Variants in PIK3C2A observed in about 807,000 individuals in gnomAD.
PIK3C2A encodes the protein phosphatidylinositol-4-phosphate 3-kinase catalytic subunit type 2 alpha.
PIK3C2A carries 97 observed loss-of-function variants against 204.5 expected under a neutral mutation model. That is an observed-to-expected ratio of 0.47 (90% CI 0.40 to 0.56). The LOEUF is 0.56. PIK3C2A is among the 20% of genes least tolerant of loss of function. The pLI, the probability that PIK3C2A is intolerant of heterozygous loss-of-function variation, is 0.00. For missense variants in PIK3C2A, 1,735 were observed against 1,969.2 expected (o/e 0.88, Z 2.25); for synonymous variants, 653 against 664.4 (o/e 0.98, Z 0.26).
At chr11:17,187,762 A>C (rs927276207) in intron 1 of PIK3C2A, among the ~76,000 whole-genome samples, 5 of 152,042 alleles carry the variant, frequency 3.3e-5, no homozygotes, top group African/African-American at 1.2e-4. Context: ...TCGGGGAAAA[A>C]GACTGAGAGG....
chr11:17,169,718 G>A lies in PIK3C2A; in HGVS notation c.24C>T (p.Ser8=), dbSNP rs776170420. 13 of 1,601,898 alleles carry A rather than the reference G, an allele frequency of 8.1e-6. No homozygotes were observed. Among genetic ancestry groups the A allele is most frequent in the African/African-American group, 5.4e-5 (4 of 74,588 alleles). ...GTGAAGATGGACATTCTTTAAATCC[G>A]CTGTTGCTAGATATCTGAGCCATGT... The part of the protein sequence containing the change: MAQISSN[S]GFKECPSSHP... Residue 8 remains serine (S), a synonymous_variant, in exon 2 of 33, where the codon AGC becomes AGT. Transcript: ENST00000691414.
At chr11:17,108,238 T>C (rs1429339380) in intron 22 of PIK3C2A, among the ~76,000 whole-genome samples, 2 of 152,094 alleles carry the variant, frequency 1.3e-5, no homozygotes, top group African/African-American at 4.8e-5. Context: ...ACTCAACAAA[T>C]TGAAAAGTAG....
At chr11:17,179,951 A>G (rs1338481707) in intron 1 of PIK3C2A, among the ~76,000 whole-genome samples, 1 of 152,188 alleles carries the variant, frequency 6.6e-6, no homozygotes, top group East Asian at 1.9e-4. Flanking sequence ...ACAAGACAAC[A>G]TAGAATTGCT....
chr11:17,198,772 C>T lies in PIK3C2A; in HGVS notation c.-66+9076G>A, dbSNP rs187975855. Among the ~76,000 whole-genome samples the T allele has an allele frequency of 6.9e-3, 1,044 of 151,250 alleles. 9 individuals are homozygous for T. The highest frequency in any genetic ancestry group is 0.01 in the Non-Finnish European group (694 of 67,908). The stretch of plus-strand genomic sequence containing the variant: ...GTCTCTGCGAATAGCCATTGTATCC[C>T]AGCCTGGACAACACAGCAAGACCTC... On this transcript the variant is annotated intron_variant, in intron 1 of 32. Transcript: ENST00000691414.
intron 8 of PIK3C2A, among the ~76,000 whole-genome samples, chr11:17,137,689 G>C (rs1423013818): frequency 6.6e-6 from 1 of 152,090 alleles, no homozygotes; most frequent in East Asian, 1.9e-4. Context: ...GATGACAGGC[G>C]TGAGCCACTG....
chr11:17,150,558 T>C lies in PIK3C2A; in HGVS notation c.1267A>G (p.Ser423Gly), dbSNP rs1317789487. The change falls in exon 4 of 33, where the codon AGT becomes GGT. Residue 423 changes from serine to glycine, a missense_variant. Coordinates refer to ENST00000691414, the MANE Select transcript of PIK3C2A (RefSeq NM_002645.4). ...TCAATGTCAATGGAGACCTTCACAC[T>C]AGCATTTTCTCCGCATATGTTTCTT... ...AQRNICGENA[S>G]VKVSIDIEGF... The C allele has an allele frequency of 6.2e-7, 1 of 1,611,674 alleles. No individual in the cohort carries two copies. Among genetic ancestry groups the C allele is most frequent in the African/African-American group, 1.3e-5 (1 of 74,736 alleles).
intron 9 of PIK3C2A, among the ~76,000 whole-genome samples, chr11:17,135,717 GTA>G (rs1170529809): frequency 1.5e-5 from 2 of 133,306 alleles, no homozygotes; most frequent in East Asian, 2.2e-4. Context: ...GTGTGTGTGT[GTA>G]TAAGTTTCTA....
At chr11:17,189,179 A>G (rs1851856413) in intron 1 of PIK3C2A, among the ~76,000 whole-genome samples, 1 of 147,282 alleles carries the variant, frequency 6.8e-6, no homozygotes, top group Non-Finnish European at 1.5e-5. Flanking sequence ...ATCAAACTAC[A>G]GCTGCAACAA....
intron 2 of PIK3C2A, among the ~76,000 whole-genome samples, chr11:17,166,697 A>G (rs1290319090): frequency 1.3e-5 from 2 of 152,154 alleles, no homozygotes; most frequent in Non-Finnish European, 2.9e-5. Context: ...TGATAGCAAG[A>G]CTAACTTATC....
chr11:17,198,972 A>T (rs986415820), intron 1 of PIK3C2A, among the ~76,000 whole-genome samples: 1 of 152,106 alleles, frequency 6.6e-6, no homozygotes, highest in African/African-American at 2.4e-5. Context: ...TACAAAAATT[A>T]GCCACGCGTG....
chr11:17,144,324 C>T (rs576160001), intron 8 of PIK3C2A, among the ~76,000 whole-genome samples: 5 of 152,304 alleles, frequency 3.3e-5, no homozygotes, highest in African/African-American at 1.2e-4. Flanking sequence ...AACTGCAAGG[C>T]ATACCTCTAT....
In PIK3C2A at chr11:17,101,365, A is replaced by T; in HGVS notation, c.3921T>A (p.Ile1307=). Residue 1307 remains isoleucine, a synonymous_variant, in exon 25 of 33, where the codon ATT becomes ATA. Coordinates refer to ENST00000691414, the MANE Select transcript of PIK3C2A (RefSeq NM_002645.4). ...YVINGGEKPT[I]RFQLFVDLCC... ...AGAGGTCCACAAACAACTGAAAACG[A>T]ATGGTGGGCTTTTCACCCCCATTAA... The T allele has an allele frequency of 6.2e-7, 1 of 1,600,088 alleles. No homozygotes were observed. The highest frequency in any genetic ancestry group is 8.6e-7 in the Non-Finnish European group (1 of 1,169,200).
chr11:17,092,898 C>T (rs1322825008), intron 28 of PIK3C2A, among the ~76,000 whole-genome samples: 1 of 152,158 alleles, frequency 6.6e-6, no homozygotes, highest in Non-Finnish European at 1.5e-5. Flanking sequence ...TATTTCTTCT[C>T]AAGTTTAATC....
intron 1 of PIK3C2A, among the ~76,000 whole-genome samples, chr11:17,187,851 G>A (rs1243897172): frequency 6.6e-6 from 1 of 151,956 alleles, no homozygotes; most frequent in Non-Finnish European, 1.5e-5. Context: ...AGATGGAGGG[G>A]TTTGACTTGG....
intron 20 of PIK3C2A, among the ~76,000 whole-genome samples, chr11:17,113,205 G>A (rs1849056170): frequency 6.6e-6 from 1 of 151,928 alleles, no homozygotes; most frequent in Admixed American, 6.6e-5. Context: ...TAGACTCTCT[G>A]GAAGATAACA....
intron 8 of PIK3C2A, among the ~76,000 whole-genome samples, chr11:17,141,690 CA>C (rs1248381599): frequency 6.6e-6 from 1 of 152,174 alleles, no homozygotes; most frequent in Non-Finnish European, 1.5e-5. Context: ...TCCAGGATAT[CA>C]CATTACATTT....
intron 32 of PIK3C2A, among the ~76,000 whole-genome samples, chr11:17,090,555 C>T (rs1016827021): frequency 7.9e-5 from 12 of 152,142 alleles, no homozygotes; most frequent in Non-Finnish European, 1.5e-4. Context: ...AGTAATTAAG[C>T]ACAGACTAGA....
intron 2 of PIK3C2A, among the ~76,000 whole-genome samples, chr11:17,163,232 G>A (rs1850840516): frequency 6.6e-6 from 1 of 152,112 alleles, no homozygotes; most frequent in Non-Finnish European, 1.5e-5. Context: ...CTTGAACCTG[G>A]GAGGTGGAGG....
At chr11:17,197,069 T>C (rs759104284) in intron 1 of PIK3C2A, among the ~76,000 whole-genome samples, 10 of 151,998 alleles carry the variant, frequency 6.6e-5, no homozygotes, top group Admixed American at 1.3e-4. Context: ...GAGGCTGAGG[T>C]GGGAGGATCA....
Sources: gnomAD v4.1 joint callset for allele counts (sites outside exome capture counted in the v4.1 genomes callset) on GRCh38, gnomAD v4.1.1 for gene constraint, MANE v1.5 for transcripts, NCBI Gene and HGNC (gene_info 2026-07-23, HGNC 2026-07-21) for gene names.